Variants in DNER observed in about 807,000 individuals in gnomAD.
The protein encoded by DNER is delta and Notch-like epidermal growth factor-related receptor.
In DNER, 33 loss-of-function variants were observed where a neutral mutation model predicts 78.2. The observed-to-expected ratio is 0.42, with a 90% CI of 0.32 to 0.56. DNER has a LOEUF of 0.56. Among genes scored for constraint, DNER ranks in the 20% least tolerant of loss-of-function variants. The pLI is 0.11. For missense variants in DNER, 918 were observed against 975.3 expected, an observed-to-expected ratio of 0.94 and a Z score of 0.78; for synonymous variants, 417 against 384.8, an observed-to-expected ratio of 1.08 and a Z score of -0.98.
intron 1 of DNER, among the ~76,000 whole-genome samples, chr2:229,619,217 T>C (rs879602244): frequency 1.2e-4 from 18 of 152,090 alleles, no homozygotes; most frequent in Non-Finnish European, 2.6e-4. Flanking sequence ...CATATGCCAC[T>C]GAACAAAGCT....
Position 229,391,713 on chromosome 2 carries a change from T to C in DNER, c.1724-3317A>G, listed in dbSNP as rs534746679. On this transcript the variant is annotated intron_variant, in intron 10 of 12. Transcript: ENST00000341772. ...TGTGCCACCATGCCCAGTGAATTTT[T>C]TGTATTTTTAGTAGAGACGGGGTTT... Among the ~76,000 whole-genome samples, 7 of 152,258 alleles carry C rather than the reference T, an allele frequency of 4.6e-5. 1 individual carries two copies. In the South Asian group the frequency reaches 1.5e-3, roughly 32 times the overall value.
chr2:229,530,455 C>T (rs1696281728), intron 5 of DNER, among the ~76,000 whole-genome samples: 1 of 152,194 alleles, frequency 6.6e-6, no homozygotes, highest in Non-Finnish European at 1.5e-5. Flanking sequence ...TATCCCATTG[C>T]ACATATCACA....
intron 12 of DNER, among the ~76,000 whole-genome samples, chr2:229,359,802 A>T (rs1054032581): frequency 6.6e-6 from 1 of 152,228 alleles, no homozygotes; most frequent in Non-Finnish European, 1.5e-5. Context: ...CATTTTAAAC[A>T]GTCATCAATC....
At chr2:229,695,119 C>A (rs532626743) in intron 1 of DNER, among the ~76,000 whole-genome samples, 4 of 152,330 alleles carry the variant, frequency 2.6e-5, no homozygotes, top group African/African-American at 7.2e-5. Context: ...TGAATGAGGA[C>A]ATGTTTGCTT....
intron 7 of DNER, among the ~76,000 whole-genome samples, chr2:229,465,597 AT>A (rs1559358983): frequency 6.6e-6 from 1 of 152,192 alleles, no homozygotes; most frequent in African/African-American, 2.4e-5. Context: ...TTAAAAAAAA[AT>A]AAAAAACAAA....
At chr2:229,403,996 G>C (rs1432487810) in intron 10 of DNER, among the ~76,000 whole-genome samples, 1 of 152,126 alleles carries the variant, frequency 6.6e-6, no homozygotes, top group Non-Finnish European at 1.5e-5. Context: ...AAGATTAGAT[G>C]ATCATGCATA....
At chr2:229,435,066 C>G (rs567069781) in intron 8 of DNER, among the ~76,000 whole-genome samples, 1 of 152,180 alleles carries the variant, frequency 6.6e-6, no homozygotes, top group East Asian at 1.9e-4. Flanking sequence ...TATCAAGAAA[C>G]AGAGTCTATA....
chr2:229,492,229 C>G (rs1359506995), intron 6 of DNER, among the ~76,000 whole-genome samples: 1 of 152,072 alleles, frequency 6.6e-6, no homozygotes, highest in Non-Finnish European at 1.5e-5. Context: ...GATGAGGAAA[C>G]CAGAAGGAGT....
At chr2:229,666,082 A>T (rs1189292672) in intron 1 of DNER, among the ~76,000 whole-genome samples, 2 of 152,146 alleles carry the variant, frequency 1.3e-5, no homozygotes, top group African/African-American at 4.8e-5. Flanking sequence ...GAGATTTCCT[A>T]TCGTATTTCC....
At chr2:229,681,121 T>C (rs1317177203) in intron 1 of DNER, among the ~76,000 whole-genome samples, 2 of 152,208 alleles carry the variant, frequency 1.3e-5, no homozygotes, top group Non-Finnish European at 2.9e-5. Flanking sequence ...CCAATTTTCA[T>C]TGTGTAAACA....
chr2:229,563,784 ACAT>A (rs1559168073), intron 4 of DNER, among the ~76,000 whole-genome samples: 1 of 71,698 alleles, frequency 1.4e-5, no homozygotes, highest in Non-Finnish European at 2.8e-5. Context: ...ATCATCATCA[ACAT>A]CATCACCCCA....
At chr2:229,625,846 G>C (rs1051859305) in intron 1 of DNER, among the ~76,000 whole-genome samples, 1 of 152,082 alleles carries the variant, frequency 6.6e-6, no homozygotes, top group African/African-American at 2.4e-5. Context: ...AGAGTTCACA[G>C]GTATGGAAAG....
At chr2:229,436,643 T>C (rs1359192378) in intron 8 of DNER, among the ~76,000 whole-genome samples, 1 of 152,022 alleles carries the variant, frequency 6.6e-6, no homozygotes, top group Non-Finnish European at 1.5e-5. Flanking sequence ...GGACCTGTAT[T>C]CAACATTCAA....
rs528149266 is a variant in DNER, at chr2:229,713,834, G to T, written c.276+314C>A. 3.8e-3 allele frequency among the ~76,000 whole-genome samples: 571 copies of T among 152,198 alleles called. 8 individuals are homozygous for T. The highest frequency in any genetic ancestry group is 0.02 in the South Asian group (98 of 4,822). On this transcript the variant is annotated intron_variant, in intron 1 of 12. Transcript: ENST00000341772. ...GCACCGCTCAAGTGGTTCTTGGCTC[G>T]GCCCGGCCTGGAGGGGCGCGCCACT...
intron 9 of DNER, among the ~76,000 whole-genome samples, chr2:229,411,209 AAAG>A (rs1251436650): frequency 2.0e-5 from 3 of 152,328 alleles, no homozygotes; most frequent in African/African-American, 7.2e-5. Context: ...TTTATCCAAC[AAAG>A]AAGGAGTTCT....
intron 8 of DNER, among the ~76,000 whole-genome samples, chr2:229,441,875 A>G (rs1224969273): frequency 6.6e-6 from 1 of 152,180 alleles, no homozygotes; most frequent in East Asian, 1.9e-4. Context: ...CTCAAGGTCT[A>G]CCTGTAAGTG....
chr2:229,695,533 T>C lies in DNER; in HGVS notation c.276+18615A>G, dbSNP rs145029919. ...GTGGAGAGTCAGCAAAGTCTAATCC[T>C]GACTTGGACATTCATCTCTTTCACC... is the stretch of plus-strand genomic sequence containing the variant. On this transcript the variant is annotated intron_variant, in intron 1 of 12. Transcript: ENST00000341772. Among the ~76,000 whole-genome samples, 473 of 151,216 alleles carry C rather than the reference T, an allele frequency of 3.1e-3. 3 individuals carry two copies. The highest frequency in any genetic ancestry group is 0.011 in the African/African-American group (458 of 40,546).
intron 8 of DNER, among the ~76,000 whole-genome samples, chr2:229,432,584 A>G (rs560188699): frequency 6.6e-6 from 1 of 152,310 alleles, no homozygotes; most frequent in Non-Finnish European, 1.5e-5. Flanking sequence ...CCTCTTAGTT[A>G]CTAATAGACA....
chr2:229,583,792 T>C (rs190494700), intron 4 of DNER, among the ~76,000 whole-genome samples: 20 of 152,362 alleles, frequency 1.3e-4, no homozygotes, highest in Admixed American at 6.5e-5. Flanking sequence ...AAATTCAGAT[T>C]TGATTCTTGA....
Sources: allele counts gnomAD v4.1 joint callset (sites outside exome capture counted in the v4.1 genomes callset), GRCh38; gene constraint gnomAD v4.1.1; transcripts MANE v1.5; gene names NCBI Gene and HGNC (gene_info 2026-07-23, HGNC 2026-07-21).